PDE4B: variants seen among roughly 807,000 people sequenced by gnomAD.
PDE4B encodes 3',5'-cyclic-AMP phosphodiesterase 4B.
In PDE4B, 20 loss-of-function variants were observed where a neutral mutation model predicts 82.2. That is an observed-to-expected ratio of 0.24 (90% CI 0.17 to 0.35). The LOEUF (loss-of-function observed/expected upper bound fraction) is 0.35. Ranked by LOEUF, PDE4B falls within the 10% of genes least tolerant of loss-of-function variation. The pLI is 1.00. For synonymous variants in PDE4B, 320 were observed against 318.9 expected (o/e 1.00, Z -0.04); for missense variants, 655 against 907.2 (o/e 0.72, Z 3.57).
chr1:66,200,909 T>C (rs990642527), intron 3 of PDE4B, among the ~76,000 whole-genome samples: 15 of 152,300 alleles, frequency 9.8e-5, no homozygotes, highest in African/African-American at 3.1e-4. Flanking sequence ...AGAGAGGACA[T>C]CCCTGTCTTG....
At chr1:66,000,052 A>G (rs115127252) in intron 3 of PDE4B, among the ~76,000 whole-genome samples, 2 of 152,344 alleles carry the variant, frequency 1.3e-5, no homozygotes, top group Non-Finnish European at 2.9e-5. Context: ...AATGCTTTAC[A>G]TAGTAGCCTA....
rs1392062246 is a variant in PDE4B, at chr1:65,799,800, G to A, written c.-71+6552G>A. On this transcript the variant is annotated intron_variant, in intron 1 of 16. Coordinates refer to ENST00000341517, the MANE Select transcript of PDE4B (RefSeq NM_002600.4). ...GCAGGTGTTCAAACAGACTGACTGT[G>A]CGAAATACAAACAGGGAACTCAGCC... is the stretch of plus-strand genomic sequence containing the variant. 5.3e-5 allele frequency among the ~76,000 whole-genome samples: 8 copies of A among 152,280 alleles called. No homozygotes were observed. The East Asian group carries it at 1.5e-3, about 29-fold the overall frequency.
intron 3 of PDE4B, among the ~76,000 whole-genome samples, chr1:66,045,127 G>A (rs1246429821): frequency 2.0e-5 from 3 of 151,722 alleles, no homozygotes; most frequent in African/African-American, 7.2e-5. Context: ...GAGCTTACCA[G>A]GACTTATGAC....
intron 3 of PDE4B, among the ~76,000 whole-genome samples, chr1:66,112,047 G>A (rs1645498676): frequency 6.6e-6 from 1 of 152,004 alleles, no homozygotes; most frequent in South Asian, 2.1e-4. Flanking sequence ...AATTACCAAA[G>A]AGCAATGTAT....
In PDE4B at chr1:65,977,643, C is replaced by T. The variant is rs142414436; in HGVS notation, c.281+58808C>T. 8.7e-4 allele frequency among the ~76,000 whole-genome samples: 133 copies of T among 152,244 alleles called. 1 individual carries two copies. Among genetic ancestry groups the T allele is most frequent in the African/African-American group, 2.9e-3 (119 of 41,550 alleles). On this transcript the variant is annotated intron_variant, in intron 3 of 16. Transcript: ENST00000341517. ...ATGTACCATAGGGAAATGGAGATGG[C>T]GATGTATAGTTCTTGTTCTTTCTTC...
intron 3 of PDE4B, among the ~76,000 whole-genome samples, chr1:65,919,063 G>C (rs2100478362): frequency 6.6e-6 from 1 of 152,180 alleles, no homozygotes; most frequent in East Asian, 1.9e-4. Context: ...TACTGAGGAA[G>C]GAATGAGATA....
At chr1:66,104,466 G>C (rs1215138456) in intron 3 of PDE4B, among the ~76,000 whole-genome samples, 1 of 141,962 alleles carries the variant, frequency 7.0e-6, no homozygotes, top group African/African-American at 2.6e-5. Context: ...TAATGGGATG[G>C]CTGGGTCAAA....
intron 3 of PDE4B, among the ~76,000 whole-genome samples, chr1:66,019,243 A>G (rs1297443967): frequency 6.6e-6 from 1 of 152,170 alleles, no homozygotes; most frequent in East Asian, 1.9e-4. Flanking sequence ...AATTTATTTA[A>G]AAAGCAATTT....
At chr1:66,122,703 C>CCT (rs1207486808) in intron 3 of PDE4B, among the ~76,000 whole-genome samples, 1 of 111,960 alleles carries the variant, frequency 8.9e-6, no homozygotes, top group Non-Finnish European at 1.8e-5. Flanking sequence ...CTCTTCTTTT[C>CCT]TTTTTTTTTT....
At chr1:66,062,450 G>C (rs1340429314) in intron 3 of PDE4B, among the ~76,000 whole-genome samples, 1 of 152,012 alleles carries the variant, frequency 6.6e-6, no homozygotes. Context: ...GATGATAGAG[G>C]AAATTAGGCT....
chr1:66,008,884 C>T (rs1652306941), intron 3 of PDE4B, among the ~76,000 whole-genome samples: 1 of 152,102 alleles, frequency 6.6e-6, no homozygotes, highest in Admixed American at 6.6e-5. Flanking sequence ...TGGAATGCTC[C>T]AGAGGGTTGT....
intron 3 of PDE4B, among the ~76,000 whole-genome samples, chr1:66,077,972 G>T (rs72920217): frequency 6.6e-6 from 1 of 152,126 alleles, no homozygotes; most frequent in Admixed American, 6.6e-5. Flanking sequence ...TAGCCAGTTC[G>T]TGGATTTTGT....
chr1:66,115,102 A>T (rs1162860973), intron 3 of PDE4B, among the ~76,000 whole-genome samples: 2 of 152,214 alleles, frequency 1.3e-5, no homozygotes, highest in Non-Finnish European at 2.9e-5. Context: ...TTGTGTGATC[A>T]TGGAGCCTAA....
intron 3 of PDE4B, among the ~76,000 whole-genome samples, chr1:66,024,266 C>G (rs1653311247): frequency 6.6e-6 from 1 of 152,098 alleles, no homozygotes; most frequent in South Asian, 2.1e-4. Context: ...AAGTTATTTT[C>G]AGAATATCTC....
intron 3 of PDE4B, among the ~76,000 whole-genome samples, chr1:66,203,182 G>A (rs373898380): frequency 2.0e-5 from 3 of 152,062 alleles, no homozygotes; most frequent in African/African-American, 4.8e-5. Flanking sequence ...GGCCCCCACT[G>A]TCTTCTGGCT....
At chr1:66,124,214 A>G (rs913307302) in intron 3 of PDE4B, among the ~76,000 whole-genome samples, 7 of 152,168 alleles carry the variant, frequency 4.6e-5, no homozygotes, top group African/African-American at 1.7e-4. Context: ...GGAAGTCGGG[A>G]AGACACCAAA....
chr1:66,104,508 C>T (rs1342428536), intron 3 of PDE4B, among the ~76,000 whole-genome samples: 2 of 143,526 alleles, frequency 1.4e-5, no homozygotes, highest in East Asian at 2.1e-4. Context: ...CCTGAGGAAT[C>T]GCCACACTGA....
chr1:65,979,615 C>T (rs1402848533), intron 3 of PDE4B, among the ~76,000 whole-genome samples: 3 of 152,136 alleles, frequency 2.0e-5, no homozygotes, highest in African/African-American at 7.2e-5. Context: ...TTTTTTACAC[C>T]TCTTCTCAGT....
chr1:66,314,150 C>T (rs1658859520), intron 7 of PDE4B, among the ~76,000 whole-genome samples: 1 of 152,186 alleles, frequency 6.6e-6, no homozygotes, highest in African/African-American at 2.4e-5. Flanking sequence ...CTTAGCTCTT[C>T]TCTGTTATCC....
Sources: gnomAD v4.1 joint callset for allele counts (sites outside exome capture counted in the v4.1 genomes callset) on GRCh38, gnomAD v4.1.1 for gene constraint, MANE v1.5 for transcripts, NCBI Gene and HGNC (gene_info 2026-07-23, HGNC 2026-07-21) for gene names.